TAFA1: variants seen among roughly 807,000 people sequenced by gnomAD.
The protein encoded by TAFA1 is chemokine-like protein TAFA-1.
Under a neutral mutation model 18.5 loss-of-function variants are expected in TAFA1, and 4 were observed. The observed-to-expected ratio is 0.22, with a 90% confidence interval of 0.11 to 0.49. The LOEUF (loss-of-function observed/expected upper bound fraction) is 0.49. TAFA1 is among the 20% of genes least tolerant of loss of function. TAFA1 has a pLI of 0.98. For missense variants in TAFA1, 147 were observed against 169.0 expected (o/e 0.87, Z 0.72); for synonymous variants, 56 against 55.2 (o/e 1.01, Z -0.06).
At chr3:68,067,060 G>T (rs542797186) in intron 2 of TAFA1, among the ~76,000 whole-genome samples, 24 of 152,278 alleles carry the variant, frequency 1.6e-4, no homozygotes, top group African/African-American at 5.5e-4. Flanking sequence ...TTGATTTTGG[G>T]TGACTGGCGT....
intron 2 of TAFA1, among the ~76,000 whole-genome samples, chr3:68,100,715 G>A (rs1222056130): frequency 6.6e-6 from 1 of 152,024 alleles, no homozygotes; most frequent in Non-Finnish European, 1.5e-5. Flanking sequence ...ATTCAATAAA[G>A]GGATATTTTT....
At chr3:68,205,320 C>T (rs2066513454) in intron 2 of TAFA1, among the ~76,000 whole-genome samples, 1 of 151,876 alleles carries the variant, frequency 6.6e-6, no homozygotes, top group South Asian at 2.1e-4. Flanking sequence ...TTAACAGTGT[C>T]TCTTTTGCAG....
chr3:68,353,869 C>T (rs982084627), intron 2 of TAFA1, among the ~76,000 whole-genome samples: 4 of 152,040 alleles, frequency 2.6e-5, no homozygotes, highest in African/African-American at 9.7e-5. Flanking sequence ...AATTAATCAA[C>T]CCCAGTCTGA....
intron 2 of TAFA1, among the ~76,000 whole-genome samples, chr3:68,246,351 G>A (rs1026780571): frequency 6.6e-6 from 1 of 151,990 alleles, no homozygotes; most frequent in Non-Finnish European, 1.5e-5. Flanking sequence ...AGCACTTTGG[G>A]AGGCCGAGGC....
chr3:68,480,091 A>G, intron 3 of TAFA1, among the ~76,000 whole-genome samples: 1 of 152,062 alleles, frequency 6.6e-6, no homozygotes, highest in East Asian at 1.9e-4. Context: ...AACTTTTTAG[A>G]AATATAAATT....
intron 2 of TAFA1, among the ~76,000 whole-genome samples, chr3:68,065,030 T>C (rs889246891): frequency 6.6e-6 from 1 of 152,134 alleles, no homozygotes; most frequent in Admixed American, 6.6e-5. Flanking sequence ...CAAAATCATG[T>C]ATAAGGCTAT....
chr3:68,417,558 C>G lies in TAFA1; in HGVS notation c.259+138C>G, dbSNP rs1202740988. The stretch of plus-strand genomic sequence containing the variant: ...GTTAGAAAGTTATACAATTGCCAGC[C>G]TCAGCAGAGTTTGAATTCTTTTTTC... On this transcript the variant is annotated intron_variant, in intron 3 of 4. Coordinates refer to ENST00000478136, the MANE Select transcript of TAFA1 (RefSeq NM_213609.4). The G allele has an allele frequency of 5.1e-6, 4 of 784,294 alleles. No homozygotes were observed. In the Admixed American group the frequency reaches 7.8e-5, roughly 15 times the overall value. 48.6% of individuals were successfully genotyped at this position (784,294 alleles called of 1,614,324 possible).
intron 2 of TAFA1, among the ~76,000 whole-genome samples, chr3:68,141,942 T>C (rs2065671754): frequency 6.6e-6 from 1 of 152,230 alleles, no homozygotes; most frequent in African/African-American, 2.4e-5. Context: ...CATTCTAAGA[T>C]GTTCTCCCTC....
intron 2 of TAFA1, among the ~76,000 whole-genome samples, chr3:68,381,517 A>T (rs974347742): frequency 3.3e-5 from 5 of 152,060 alleles, no homozygotes; most frequent in African/African-American, 1.2e-4. Flanking sequence ...CAGGTATTTT[A>T]TTCTCTTTGA....
At chr3:68,453,199 GC>G (rs1310503874) in intron 3 of TAFA1, among the ~76,000 whole-genome samples, 1 of 152,154 alleles carries the variant, frequency 6.6e-6, no homozygotes, top group Admixed American at 6.6e-5. Flanking sequence ...CAGAGGTAGT[GC>G]CCCAAACCCT....
chr3:68,299,092 C>T (rs2068260565), intron 2 of TAFA1, among the ~76,000 whole-genome samples: 1 of 152,172 alleles, frequency 6.6e-6, no homozygotes, highest in African/African-American at 2.4e-5. Flanking sequence ...GAAGTCCAGG[C>T]TGAGGTGGTC....
intron 2 of TAFA1, among the ~76,000 whole-genome samples, chr3:68,401,696 C>T (rs1291539605): frequency 6.6e-6 from 1 of 152,152 alleles, no homozygotes; most frequent in African/African-American, 2.4e-5. Context: ...TAGCTTGGAC[C>T]AGGTACCAGC....
chr3:68,100,787 C>A (rs2065138732), intron 2 of TAFA1, among the ~76,000 whole-genome samples: 1 of 152,214 alleles, frequency 6.6e-6, no homozygotes, highest in East Asian at 1.9e-4. Flanking sequence ...GATTTCATCC[C>A]TCTTCTTAAG....
intron 2 of TAFA1, among the ~76,000 whole-genome samples, chr3:68,287,909 G>A (rs113741730): frequency 0.19 from 21,941 of 115,900 alleles, 2,668 homozygotes; most frequent in African/African-American, 0.32. Context: ...GTTTTTGTTG[G>A]GGGGTGGGGG....
chr3:68,155,213 C>T (rs1038426634), intron 2 of TAFA1, among the ~76,000 whole-genome samples: 1 of 152,136 alleles, frequency 6.6e-6, no homozygotes, highest in Non-Finnish European at 1.5e-5. Flanking sequence ...ACTCCAAATC[C>T]TGGGTCAGTA....
At chr3:68,237,723 A>G (rs1258406077) in intron 2 of TAFA1, among the ~76,000 whole-genome samples, 1 of 152,206 alleles carries the variant, frequency 6.6e-6, no homozygotes, top group African/African-American at 2.4e-5. Context: ...ATTGTTAAAA[A>G]GTCAAAGTGT....
intron 2 of TAFA1, among the ~76,000 whole-genome samples, chr3:68,196,424 T>C (rs2107026802): frequency 6.6e-6 from 1 of 151,918 alleles, no homozygotes; most frequent in African/African-American, 2.4e-5. Context: ...ATTTTGGTGA[T>C]ACTTATGTGG....
chr3:68,285,671 G>T (rs1173135886), intron 2 of TAFA1, among the ~76,000 whole-genome samples: 1 of 152,096 alleles, frequency 6.6e-6, no homozygotes, highest in Non-Finnish European at 1.5e-5. Context: ...GATTAAAAAT[G>T]ATTTGAGACA....
At chr3:68,007,856 C>T (rs1233626463) in intron 2 of TAFA1, among the ~76,000 whole-genome samples, 1 of 152,218 alleles carries the variant, frequency 6.6e-6, no homozygotes. Context: ...TTCTGTACAG[C>T]CCTCCAGCAA....
Sources: allele counts gnomAD v4.1 joint callset (sites outside exome capture counted in the v4.1 genomes callset), GRCh38; gene constraint gnomAD v4.1.1; transcripts MANE v1.5; gene names NCBI Gene and HGNC (gene_info 2026-07-23, HGNC 2026-07-21).